Variants in RNF38 observed in about 807,000 individuals in gnomAD.
The protein encoded by RNF38 is ring finger protein 38.
RNF38 carries 15 observed loss-of-function variants against 67.2 expected under a neutral mutation model. The observed-to-expected ratio is 0.22, with a 90% CI of 0.15 to 0.34. The LOEUF (loss-of-function observed/expected upper bound fraction) is 0.34, where lower values mean the gene tolerates loss of function less well. RNF38 is among the 10% of genes least tolerant of loss of function. The pLI is 1.00. For synonymous variants in RNF38, 220 were observed against 218.8 expected, an observed-to-expected ratio of 1.01 and a Z score of -0.05; for missense variants, 524 against 639.9, an observed-to-expected ratio of 0.82 and a Z score of 1.95.
At chr9:36,343,473 G>A (rs950343683) in intron 10 of RNF38, among the ~76,000 whole-genome samples, 1 of 151,972 alleles carries the variant, frequency 6.6e-6, no homozygotes, top group African/African-American at 2.4e-5. Flanking sequence ...CTGGAAAGAA[G>A]GTACACAAAT....
intron 9 of RNF38, among the ~76,000 whole-genome samples, chr9:36,348,182 T>C (rs113379507): frequency 0.024 from 3,624 of 151,582 alleles, 62 homozygotes; most frequent in Non-Finnish European, 0.037. Context: ...GTAACCATGT[T>C]CTAAAGGCAA....
chr9:36,392,196 T>TG (rs1157486647), intron 1 of RNF38, among the ~76,000 whole-genome samples: 4 of 152,220 alleles, frequency 2.6e-5, no homozygotes, highest in African/African-American at 9.7e-5. Flanking sequence ...TGCTTTGCTA[T>TG]GGACCTGGTA....
At chr9:36,346,538 A>C (rs1833253819) in intron 9 of RNF38, among the ~76,000 whole-genome samples, 1 of 151,798 alleles carries the variant, frequency 6.6e-6, no homozygotes, top group East Asian at 1.9e-4. Context: ...TTCCTTAATG[A>C]CTCTAATAAC....
chr9:36,358,827 T>C (rs968556621), intron 4 of RNF38, among the ~76,000 whole-genome samples: 2 of 152,104 alleles, frequency 1.3e-5, no homozygotes, highest in East Asian at 3.9e-4. Flanking sequence ...CTGGCCAACA[T>C]GGTGAAAACC....
At chr9:36,424,019 C>T (rs1554694176) in intron 2 of RNF38, among the ~76,000 whole-genome samples, 2 of 142,980 alleles carry the variant, frequency 1.4e-5, no homozygotes, top group Admixed American at 7.0e-5. Context: ...ATAAAAAGAA[C>T]AAAAGCAAAA....
At chr9:36,347,274 ATATGT>A (rs1422027029) in intron 9 of RNF38, among the ~76,000 whole-genome samples, 1 of 152,106 alleles carries the variant, frequency 6.6e-6, no homozygotes, top group Non-Finnish European at 1.5e-5. Flanking sequence ...TTGTGACAGA[ATATGT>A]TAAGTTCTTA....
chr9:36,394,069 G>C (rs1183167251), intron 1 of RNF38, among the ~76,000 whole-genome samples: 1 of 152,200 alleles, frequency 6.6e-6, no homozygotes, highest in African/African-American at 2.4e-5. Flanking sequence ...AAGGTCAAGA[G>C]ATAGAGACCA....
intron 1 of RNF38, among the ~76,000 whole-genome samples, chr9:36,459,943 A>C (rs1254981188): frequency 6.6e-6 from 1 of 151,960 alleles, no homozygotes; most frequent in Non-Finnish European, 1.5e-5. Flanking sequence ...TTTTTAGGCT[A>C]TTGCTATCCA....
chr9:36,440,957 C>T (rs1378273386), intron 1 of RNF38, among the ~76,000 whole-genome samples: 1 of 152,160 alleles, frequency 6.6e-6, no homozygotes, highest in African/African-American at 2.4e-5. Context: ...GTCTGACAGT[C>T]TTGAAAACTC....
upstream of RNF38, among the ~76,000 whole-genome samples, chr9:36,406,154 T>C (rs1381763960): frequency 6.6e-6 from 1 of 152,174 alleles, no homozygotes; most frequent in Non-Finnish European, 1.5e-5. Flanking sequence ...ACACCGATGT[T>C]GGGGGGAAGA....
intron 2 of RNF38, among the ~76,000 whole-genome samples, chr9:36,386,223 G>A (rs1384401587): frequency 6.6e-6 from 1 of 152,016 alleles, no homozygotes; most frequent in Non-Finnish European, 1.5e-5. Flanking sequence ...CTTTCTAATA[G>A]GATTTGCTAT....
intron 4 of RNF38, among the ~76,000 whole-genome samples, chr9:36,365,248 T>G (rs1347177115): frequency 2.6e-5 from 4 of 152,116 alleles, no homozygotes; most frequent in African/African-American, 9.7e-5. Flanking sequence ...AACGGGATCT[T>G]TCGAGTCAAA....
intron 9 of RNF38, among the ~76,000 whole-genome samples, chr9:36,348,520 G>A (rs868318070): frequency 6.6e-6 from 1 of 152,088 alleles, no homozygotes; most frequent in South Asian, 2.1e-4. Context: ...AGTCACTCCA[G>A]TGAACGCACG....
chr9:36,401,651 CAA>C (rs1838039463), upstream of RNF38, among the ~76,000 whole-genome samples: 1 of 151,836 alleles, frequency 6.6e-6, no homozygotes, highest in Admixed American at 6.6e-5. Flanking sequence ...AATCACGATA[CAA>C]GAGAGAAAAT....
At chr9:36,426,041 G>T (rs1490848884) in intron 1 of RNF38, among the ~76,000 whole-genome samples, 1 of 152,184 alleles carries the variant, frequency 6.6e-6, no homozygotes, top group Non-Finnish European at 1.5e-5. Flanking sequence ...AAGATGTTAA[G>T]TAACATGAGG....
chr9:36,417,747 G>C (rs1838512746), intron 2 of RNF38, among the ~76,000 whole-genome samples: 1 of 152,082 alleles, frequency 6.6e-6, no homozygotes, highest in South Asian at 2.1e-4. Context: ...CTGGCCCCAA[G>C]TGACCTGCCT....
rs1234774601 is a variant in RNF38 at position 36,336,922 on chromosome 9, G to A, written c.*2830C>T. Reference sequence around the variant, plus strand: ...TCCAGATTTTGCTCAAAAAATTAAGGACAGAAAATCCTAATATGAGATCTT... The same window carrying A: ...TCCAGATTTTGCTCAAAAAATTAAGAACAGAAAATCCTAATATGAGATCTT... On this transcript the variant is annotated 3_prime_UTR_variant, in exon 12 of 12. Coordinates refer to ENST00000259605, the MANE Select transcript of RNF38 (RefSeq NM_022781.5). The A allele has an allele frequency of 6.6e-6, 1 of 151,976 alleles. No individual in the cohort carries two copies. The allele number at this position is 151,976 out of a possible 1,614,324, so 9.4% of individuals were successfully genotyped here.
intron 3 of RNF38, among the ~76,000 whole-genome samples, chr9:36,374,074 A>C (rs1835596403): frequency 6.6e-6 from 1 of 152,208 alleles, no homozygotes. Flanking sequence ...TGCAATAACT[A>C]TACTTTCTCA....
intron 1 of RNF38, among the ~76,000 whole-genome samples, chr9:36,443,691 T>TA (rs1415484807): frequency 1.3e-5 from 2 of 151,898 alleles, no homozygotes; most frequent in Non-Finnish European, 2.9e-5. Flanking sequence ...GAAATGAACT[T>TA]AAACGCTGAA....
Sources: gnomAD v4.1 joint callset for allele counts (sites outside exome capture counted in the v4.1 genomes callset) on GRCh38, gnomAD v4.1.1 for gene constraint, MANE v1.5 for transcripts, NCBI Gene and HGNC (gene_info 2026-07-23, HGNC 2026-07-21) for gene names.